The following CTHRC1 variants were observed in gnomAD, a reference collection of about 807,000 sequenced individuals.
CTHRC1 encodes the protein collagen triple helix repeat containing 1, also known as collagen triple helix repeat-containing protein 1.
In CTHRC1, 21 loss-of-function variants were observed where a neutral mutation model predicts 25.9. The ratio of observed to expected loss-of-function variants is 0.81; its 90% confidence interval spans 0.57 to 1.17. CTHRC1 has a LOEUF of 1.17. CTHRC1 is among the 50% of genes most tolerant of loss of function. CTHRC1 has a pLI of 0.00. For missense variants in CTHRC1, 281 were observed against 304.3 expected (o/e 0.92, Z 0.57); for synonymous variants, 109 against 113.1 (o/e 0.96, Z 0.23).
rs1287051433 is a variant in CTHRC1, at chr8:103,375,837, G to A, written c.250G>A (p.Asp84Asn). Residue 84 changes from aspartate to asparagine, a missense_variant, in exon 2 of 4, where the codon GAT becomes AAT. Coordinates refer to ENST00000330295, the MANE Select transcript of CTHRC1 (RefSeq NM_138455.4). Reference sequence around the variant, plus strand: ...GGGTACACCTGGGATCCCAGGTCGGGATGGATTCAAAGGAGAAAAGGGGGA... The same window carrying A: ...GGGTACACCTGGGATCCCAGGTCGGAATGGATTCAAAGGAGAAAAGGGGGA... ...IPGTPGIPGRDGFKGEKGECL... is the reference protein window; with the variant it reads ...IPGTPGIPGRNGFKGEKGECL... 4 of 1,614,136 alleles carry A rather than the reference G, an allele frequency of 2.5e-6. No individual in the cohort carries two copies. The Admixed American group carries it at 5.0e-5, about 20-fold the overall frequency.
intron 1 of CTHRC1, chr8:103,372,454 G>C: frequency 4.5e-6 from 7 of 1,550,440 alleles, no homozygotes; most frequent in Non-Finnish European, 6.1e-6. Context: ...GGCCGGAAAG[G>C]GAAATGAAGG....
chr8:103,379,254 A>G (rs562651309), intron 3 of CTHRC1, among the ~76,000 whole-genome samples: 1 of 152,126 alleles, frequency 6.6e-6, no homozygotes, highest in Non-Finnish European at 1.5e-5. Context: ...TTGTTTATTT[A>G]TTTATTTATT....
chr8:103,381,821 A>C (rs1480907917), intron 3 of CTHRC1, among the ~76,000 whole-genome samples: 1 of 151,844 alleles, frequency 6.6e-6, no homozygotes, highest in Non-Finnish European at 1.5e-5. Context: ...ACACGATGAA[A>C]CTCCATCTCT....
intron 3 of CTHRC1, among the ~76,000 whole-genome samples, chr8:103,382,136 C>G (rs1393960046): frequency 6.6e-6 from 1 of 151,970 alleles, no homozygotes; most frequent in African/African-American, 2.4e-5. Flanking sequence ...TATAGCCTTT[C>G]TTTGTTTATT....
At chr8:103,375,605 C>T in intron 1 of CTHRC1, 133 bp from the exon 2 acceptor site, 2 of 771,554 alleles carry the variant, frequency 2.6e-6, no homozygotes, top group South Asian at 2.9e-5. Flanking sequence ...TGTAATAACT[C>T]ATCTAGAACA....
chr8:103,374,805 T>G (rs917866574), intron 1 of CTHRC1, among the ~76,000 whole-genome samples: 5 of 152,202 alleles, frequency 3.3e-5, no homozygotes, highest in Admixed American at 1.3e-4. Flanking sequence ...AAAGTAAGAC[T>G]CTTTATTATT....
At chr8:103,377,266 A>G (rs1815820213) in intron 2 of CTHRC1, 2 of 152,314 alleles carry the variant, frequency 1.3e-5, no homozygotes, top group Admixed American at 6.5e-5. Context: ...TCGAAAAGAA[A>G]CACGTCAAGA....
chr8:103,372,722 C>A, intron 1 of CTHRC1: 2 of 1,419,756 alleles, frequency 1.4e-6, no homozygotes, highest in Middle Eastern at 2.3e-4. Context: ...CGGAGAGGTT[C>A]TCTGGCCTGT....
At chr8:103,379,361 T>G (rs1464366525) in intron 3 of CTHRC1, among the ~76,000 whole-genome samples, 1 of 152,124 alleles carries the variant, frequency 6.6e-6, no homozygotes, top group Non-Finnish European at 1.5e-5. Context: ...GTGATCCTCC[T>G]GCTCAGCTTC....
At chr8:103,372,737 T>C (rs1038490273) in intron 1 of CTHRC1, 7 of 1,200,138 alleles carry the variant, frequency 5.8e-6, no homozygotes, top group Middle Eastern at 2.8e-4. Flanking sequence ...GCCTGTGGTA[T>C]GAGGGAGCCT....
intron 2 of CTHRC1, among the ~76,000 whole-genome samples, chr8:103,376,588 G>C (rs373242398): frequency 6.6e-6 from 1 of 152,176 alleles, no homozygotes; most frequent in African/African-American, 2.4e-5. Context: ...AAAGTAATTG[G>C]CAAGTCCACT....
rs1191794269 is a variant in CTHRC1, at chr8:103,371,801, G to A, written c.145G>A (p.Asp49Asn). Residue 49 changes from aspartate to asparagine, a missense_variant, in exon 1 of 4, where the codon GAC becomes AAC. Coordinates refer to ENST00000330295, the MANE Select transcript of CTHRC1 (RefSeq NM_138455.4). ...KAQLRQREVV[D>N]LYNGMCLQGP... ...GCAGCTCCGGCAGAGGGAGGTGGTG[G>A]ACCTGGTGAGTCCGAGGGAGCCGAG... 2 of 1,526,814 alleles carry A rather than the reference G, an allele frequency of 1.3e-6. No individual in the cohort carries two copies. Among genetic ancestry groups the A allele is most frequent in the Non-Finnish European group, 1.8e-6 (2 of 1,136,240 alleles). The allele number at this position is 1,526,814 out of a possible 1,614,324, so 94.6% of individuals were successfully genotyped here. A position where few individuals can be genotyped will look rare whatever the true frequency, so the allele number is the denominator to read the frequency against.
chr8:103,372,505 T>A, intron 1 of CTHRC1: 1 of 1,597,790 alleles, frequency 6.3e-7, no homozygotes, highest in Non-Finnish European at 8.5e-7. Flanking sequence ...TTGCTTCTGT[T>A]TAAACCAAAT....
intron 3 of CTHRC1, among the ~76,000 whole-genome samples, chr8:103,382,207 C>T (rs1815925845): frequency 6.6e-6 from 1 of 151,984 alleles, no homozygotes; most frequent in South Asian, 2.1e-4. Context: ...TGGTTTTATG[C>T]TTGAAACCTG....
At chr8:103,377,851 C>T (rs896242095) in intron 2 of CTHRC1, among the ~76,000 whole-genome samples, 176 bp from the exon 3 acceptor site, 2 of 152,108 alleles carry the variant, frequency 1.3e-5, no homozygotes, top group African/African-American at 4.8e-5. Context: ...TAATCTGCCC[C>T]CCTCGGCCTC....
intron 3 of CTHRC1, among the ~76,000 whole-genome samples, 157 bp downstream of exon 3, chr8:103,378,400 T>G (rs1815847472): frequency 1.3e-5 from 2 of 152,202 alleles, no homozygotes; most frequent in Admixed American, 1.3e-4. Flanking sequence ...CTGCATTACC[T>G]CTCGATCTTT....
chr8:103,379,027 T>C (rs1249176860), intron 3 of CTHRC1, among the ~76,000 whole-genome samples: 3 of 152,088 alleles, frequency 2.0e-5, no homozygotes. Context: ...CATTCTAATG[T>C]TCAGCCAAAA....
intron 1 of CTHRC1, among the ~76,000 whole-genome samples, chr8:103,373,697 T>C (rs1393234251): frequency 6.8e-6 from 1 of 147,298 alleles, no homozygotes; most frequent in Non-Finnish European, 1.5e-5. Context: ...TTGTACATAC[T>C]AGATGCCAGT....
At chr8:103,376,899 T>A (rs1265275406) in intron 2 of CTHRC1, among the ~76,000 whole-genome samples, 1 of 152,218 alleles carries the variant, frequency 6.6e-6, no homozygotes, top group African/African-American at 2.4e-5. Context: ...TGTGTTCATG[T>A]GTGTTTCTAG....
Sources: gnomAD v4.1 joint callset for allele counts (sites outside exome capture counted in the v4.1 genomes callset) on GRCh38, gnomAD v4.1.1 for gene constraint, MANE v1.5 for transcripts, NCBI Gene and HGNC (gene_info 2026-07-23, HGNC 2026-07-21) for gene names.